Variants in ADD1 observed in about 807,000 individuals in gnomAD.
ADD1 encodes the protein adducin 1, also known as alpha-adducin.
In ADD1, 24 loss-of-function variants were observed where a neutral mutation model predicts 80.5. The ratio of observed to expected loss-of-function variants is 0.30; its 90% CI spans 0.22 to 0.42. The LOEUF (loss-of-function observed/expected upper bound fraction) is 0.42. ADD1 is among the 10% of genes least tolerant of loss of function. The pLI is 1.00. For missense variants in ADD1, 948 were observed against 1,019.0 expected (o/e 0.93, Z 0.95); for synonymous variants, 373 against 393.8 (o/e 0.95, Z 0.63).
At chr4:2,904,740 T>A in intron 9 of ADD1, 24 bp from the exon 10 acceptor site, 1 of 1,589,302 alleles carries the variant, frequency 6.3e-7, no homozygotes, top group Non-Finnish European at 8.6e-7. Flanking sequence ...ATATTGACTG[T>A]CTTTCACTCT....
At chr4:2,868,742 T>G (rs919569636) in intron 1 of ADD1, among the ~76,000 whole-genome samples, 12 of 152,064 alleles carry the variant, frequency 7.9e-5, no homozygotes, top group African/African-American at 2.9e-4. Context: ...CCCAGATAAT[T>G]TATCCGCATA....
intron 1 of ADD1, among the ~76,000 whole-genome samples, chr4:2,849,376 T>C (rs1456744663): frequency 6.6e-6 from 1 of 152,212 alleles, no homozygotes; most frequent in Non-Finnish European, 1.5e-5. Context: ...AATACTGTTA[T>C]CTGTATTAGA....
chr4:2,907,653 G>T, intron 10 of ADD1, 90 bp from the exon 11 acceptor site: 1 of 1,095,550 alleles, frequency 9.1e-7, no homozygotes, highest in Non-Finnish European at 1.4e-6. Flanking sequence ...TTCAGTGCAT[G>T]ACCAGATGTG....
chr4:2,867,459 A>T (rs1054674939), intron 1 of ADD1, among the ~76,000 whole-genome samples: 1 of 152,228 alleles, frequency 6.6e-6, no homozygotes, highest in African/African-American at 2.4e-5. Context: ...ATGAGAAGCA[A>T]TTAAGAGTGC....
chr4:2,908,791 A>T (rs182696584), intron 12 of ADD1, 187 bp downstream of exon 12: 2 of 607,664 alleles, frequency 3.3e-6, no homozygotes, highest in Non-Finnish European at 2.9e-6. Flanking sequence ...AGGAGCGAGC[A>T]TGCTGAGGGC....
intron 13 of ADD1, 194 bp from the exon 14 acceptor site, chr4:2,914,690 A>C (rs1464235743): frequency 1.8e-6 from 1 of 565,742 alleles, no homozygotes; most frequent in African/African-American, 1.9e-5. Flanking sequence ...TCATCGTGGC[A>C]CTGACCTGTG....
In ADD1 at chr4:2,909,423, T is replaced by C. The variant is rs1463326831; in HGVS notation, c.1783T>C (p.Phe595Leu). ...CTTTAGTCCCGCTAAATCTCTCTCT[T>C]TTAGAAAGGTACTCACTGCCCTGTC... ...QTFSPAKSLS[F>L]RKGELVTASK... The change falls in exon 13 of 16, where the codon TTT (phenylalanine) becomes CTT (leucine). Residue 595 changes from phenylalanine to leucine, a missense_variant. Coordinates refer to ENST00000683351, the MANE Select transcript of ADD1 (RefSeq NM_001354761.2). 6.5e-7 allele frequency: 1 copy of C among 1,549,720 alleles called. No homozygotes were observed. Among genetic ancestry groups the C allele is most frequent in the African/African-American group, 1.4e-5 (1 of 72,980 alleles).
intron 1 of ADD1, among the ~76,000 whole-genome samples, chr4:2,850,863 C>T (rs1360560705): frequency 6.6e-6 from 1 of 152,208 alleles, no homozygotes; most frequent in Non-Finnish European, 1.5e-5. Flanking sequence ...AGCCACTGTA[C>T]CTGACCCCCA....
At chr4:2,914,003 G>T (rs540385804) in intron 13 of ADD1, among the ~76,000 whole-genome samples, 1 of 150,874 alleles carries the variant, frequency 6.6e-6, no homozygotes, top group Non-Finnish European at 1.5e-5. Context: ...AGCTTGCAGC[G>T]AGCCGAGATT....
chr4:2,855,494 A>G (rs1727921175), intron 1 of ADD1, among the ~76,000 whole-genome samples: 1 of 151,424 alleles, frequency 6.6e-6, no homozygotes, highest in South Asian at 2.1e-4. Context: ...TTACCCTTGA[A>G]ATTTTGCTAT....
At chr4:2,855,314 A>G (rs1727899754) in intron 1 of ADD1, among the ~76,000 whole-genome samples, 1 of 152,180 alleles carries the variant, frequency 6.6e-6, no homozygotes, top group Non-Finnish European at 1.5e-5. Flanking sequence ...TAGTACATTT[A>G]TGTTATGATT....
At chr4:2,854,909 T>A (rs1217348830) in intron 1 of ADD1, 1 of 152,230 alleles carries the variant, frequency 6.6e-6, no homozygotes, top group South Asian at 2.1e-4. Flanking sequence ...AAGGTGTCAC[T>A]AGGGCTGTGC....
At chr4:2,872,198 C>T (rs1730561297) in intron 1 of ADD1, among the ~76,000 whole-genome samples, 1 of 152,304 alleles carries the variant, frequency 6.6e-6, no homozygotes, top group Non-Finnish European at 1.5e-5. Flanking sequence ...CACGGTTCAT[C>T]CAGATTTTTG....
Position 2,847,719 on chromosome 4 carries a change from A to G in ADD1, c.-21+3695A>G, listed in dbSNP as rs547161555. ...TTGGTTTTATACATTTTAAGGAGACATGAGACATCAATCAATATATGCTAG... is the reference window on the plus strand; with the variant it reads ...TTGGTTTTATACATTTTAAGGAGACGTGAGACATCAATCAATATATGCTAG... On this transcript the variant is annotated intron_variant, in intron 1 of 15. Coordinates refer to ENST00000683351, the MANE Select transcript of ADD1 (RefSeq NM_001354761.2). 9.8e-4 allele frequency among the ~76,000 whole-genome samples: 149 copies of G among 152,318 alleles called. 1 individual carries two copies. Among genetic ancestry groups the G allele is most frequent in the Non-Finnish European group, 1.8e-3 (120 of 68,024 alleles).
rs1553848842 is a variant in ADD1, at chr4:2,911,431, CAT to C, written c.1791+2017_1791+2018del. Among the ~76,000 whole-genome samples the C allele has an allele frequency of 1.3e-3, 185 of 140,866 alleles. 1 individual carries two copies. The highest frequency in any genetic ancestry group is 2.7e-3 in the African/African-American group (98 of 36,602). The allele number at this position is 140,866 out of a possible 152,430, so 92.4% of individuals were successfully genotyped here. ...GCAGCATAACATGTAACCTGAAATA[CAT>C]ATATATATATATATATTTTTTTTTT... On this transcript the variant is annotated intron_variant, in intron 13 of 15. Transcript: ENST00000683351.
rs776094463 is a variant in ADD1 at position 2,928,532 on chromosome 4, C to T, written c.*9C>T. 3.2e-5 allele frequency: 51 copies of T among 1,611,000 alleles called. No homozygotes were observed. The highest frequency in any genetic ancestry group is 1.3e-4 in the East Asian group (6 of 44,894). The stretch of plus-strand genomic sequence containing the variant: ...AGAAGAGTGACTCCTGAAAGCCCTG[C>T]GCTAACACTGTCCTGTCCGGAGCGA... On this transcript the variant is annotated 3_prime_UTR_variant, in exon 16 of 16. Transcript: ENST00000683351.
chr4:2,864,675 ACTTC>A (rs968163296), intron 1 of ADD1, among the ~76,000 whole-genome samples: 3 of 151,688 alleles, frequency 2.0e-5, no homozygotes, highest in Non-Finnish European at 2.9e-5. Flanking sequence ...AGGTGTTTAC[ACTTC>A]CTTCCTTTTT....
chr4:2,888,381 G>A (rs368401776), intron 4 of ADD1, among the ~76,000 whole-genome samples: 2 of 145,356 alleles, frequency 1.4e-5, no homozygotes, highest in African/African-American at 2.6e-5. Context: ...GCCCGGCCCA[G>A]CATTATTTGT....
At chr4:2,902,095 A>G (rs1736291316) in intron 9 of ADD1, 1 of 152,136 alleles carries the variant, frequency 6.6e-6, no homozygotes, top group Non-Finnish European at 1.5e-5. Context: ...AGTAGTTCTG[A>G]GGTCTGAGTA....
Sources: allele counts gnomAD v4.1 joint callset (sites outside exome capture counted in the v4.1 genomes callset), GRCh38; gene constraint gnomAD v4.1.1; transcripts MANE v1.5; gene names NCBI Gene and HGNC (gene_info 2026-07-23, HGNC 2026-07-21).